Variants in GMIP observed in about 807,000 individuals in gnomAD.
GMIP encodes the protein GEM interacting protein, also known as GEM-interacting protein.
A neutral mutation model predicts 105.3 loss-of-function variants in GMIP; 54 were observed. The ratio of observed to expected loss-of-function variants is 0.51; its 90% CI spans 0.41 to 0.64. The LOEUF (loss-of-function observed/expected upper bound fraction) is 0.64, where lower values mean the gene tolerates loss of function less well. GMIP is among the 30% of genes least tolerant of loss of function. GMIP has a pLI of 0.00. For missense variants in GMIP, 1,110 were observed against 1,319.4 expected, an observed-to-expected ratio of 0.84 and a Z score of 2.46; for synonymous variants, 541 against 560.8, an observed-to-expected ratio of 0.96 and a Z score of 0.50.
chr19:19,630,571 A>G lies in GMIP; in HGVS notation c.2473-34T>C. On this transcript the variant is annotated intron_variant, in intron 19 of 20. Transcript: ENST00000203556. The surrounding 1 kb of genome is among the most constrained non-coding windows in gnomAD (Gnocchi z 4.8). ...AGAAACCCAAGAATGAGACCCCAAC[A>G]CTAAAATCCCAGTTCTTTGAGATTC... The G allele has an allele frequency of 6.4e-7, 1 of 1,561,432 alleles. No individual in the cohort carries two copies. Among genetic ancestry groups the G allele is most frequent in the Non-Finnish European group, 8.8e-7 (1 of 1,132,236 alleles).
intron 12 of GMIP, 37 bp from the exon 13 acceptor site, chr19:19,636,833 C>T (rs1215030450): frequency 6.3e-7 from 1 of 1,576,170 alleles, no homozygotes; most frequent in Non-Finnish European, 8.7e-7. Flanking sequence ...GTCCCCTGCT[C>T]ACAAACCCCA....
Position 19,637,378 on chromosome 19 carries a change from G to C in GMIP, c.1111C>G (p.Pro371Ala). Reference protein sequence around the residue: ...PPAFSFQEFLPSLNSSPLDIR... With the variant: ...PPAFSFQEFLASLNSSPLDIR... Reference sequence around the variant, plus strand: ...CCAGTGACCCACCTGTTCAAGGAGGGAAGGAACTCCTGGAAGGAGAAGGCG... The same window carrying C: ...CCAGTGACCCACCTGTTCAAGGAGGCAAGGAACTCCTGGAAGGAGAAGGCG... The change falls in exon 11 of 21, where the codon CCC becomes GCC. Residue 371 changes from proline to alanine, a missense_variant. Transcript: ENST00000203556. The surrounding 1 kb of genome is among the most constrained non-coding windows in gnomAD (Gnocchi z 6.7). 2 of 1,504,874 alleles carry C rather than the reference G, an allele frequency of 1.3e-6. No homozygotes were observed. The highest frequency in any genetic ancestry group is 1.3e-5 in the South Asian group (1 of 74,140). 93.2% of individuals were successfully genotyped at this position (1,504,874 alleles called of 1,614,324 possible). A position where few individuals can be genotyped will look rare whatever the true frequency, so the allele number is the denominator to read the frequency against.
chr19:19,631,298 T>G (rs1026696210), intron 19 of GMIP, among the ~76,000 whole-genome samples: 2 of 152,174 alleles, frequency 1.3e-5, no homozygotes, highest in African/African-American at 4.8e-5. Flanking sequence ...AAAATCCTTG[T>G]TTAGCAAATG....
rs1019726439 is a variant in GMIP at position 19,643,405 on chromosome 19, G to C, written c.19+106C>G. The C allele has an allele frequency of 6.4e-6, 7 of 1,088,052 alleles. No individual in the cohort carries two copies. The African/African-American group carries it at 9.5e-5, about 15-fold the overall frequency. 67.4% of individuals were successfully genotyped at this position (1,088,052 alleles called of 1,614,324 possible). A position where few individuals can be genotyped will look rare whatever the true frequency, so the allele number is the denominator to read the frequency against. On this transcript the variant is annotated intron_variant, in intron 1 of 20. Coordinates refer to ENST00000203556, the MANE Select transcript of GMIP (RefSeq NM_016573.4). Reference sequence around the variant, plus strand: ...GGATCCCTGGGTCCTTCCCATTCAGGAACTCCTCTCCTGGCTCTCAGGACG... The same window carrying C: ...GGATCCCTGGGTCCTTCCCATTCAGCAACTCCTCTCCTGGCTCTCAGGACG...
rs2144857688 is a variant in GMIP at position 19,637,445 on chromosome 19, A to G, written c.1044T>C (p.Phe348=). 1 of 1,521,574 alleles carries G rather than the reference A, an allele frequency of 6.6e-7. No homozygotes were observed. The highest frequency in any genetic ancestry group is 2.6e-5 in the East Asian group (1 of 39,104). The allele number at this position is 1,521,574 out of a possible 1,614,324, so 94.3% of individuals were successfully genotyped here. Residue 348 remains phenylalanine, a synonymous_variant, in exon 11 of 21, where the codon TTT becomes TTC. Transcript: ENST00000203556. The surrounding 1 kb of genome is among the most constrained non-coding windows in gnomAD (Gnocchi z 6.7). Reference sequence around the variant, plus strand: ...GGGCCTCGGGCCGCAGCGCCCGTACAAACTCCTGGTAGCGCTGGCCCGGCT... The same window carrying G: ...GGGCCTCGGGCCGCAGCGCCCGTACGAACTCCTGGTAGCGCTGGCCCGGCT... ...PFEPGQRYQE[F]VRALRPEAPP...
chr19:19,643,608 TGCC>T lies in GMIP; in HGVS notation c.-82_-80del. The T allele has an allele frequency of 7.6e-7, 1 of 1,320,244 alleles. No homozygotes were observed. 81.8% of individuals were successfully genotyped at this position (1,320,244 alleles called of 1,614,324 possible). A position where few individuals can be genotyped will look rare whatever the true frequency, so the allele number is the denominator to read the frequency against. Reference sequence around the variant, plus strand: ...CCGGCGGGGCCGAGCCCCGATTTCCTGCCGCCGCAGCCGCCGCCGCCGCCTCGG... The same window carrying T: ...CCGGCGGGGCCGAGCCCCGATTTCCTGCCGCAGCCGCCGCCGCCGCCTCGG... On this transcript the variant is annotated 5_prime_UTR_variant, in exon 1 of 21. Coordinates refer to ENST00000203556, the MANE Select transcript of GMIP (RefSeq NM_016573.4).
chr19:19,635,638 C>T lies in GMIP; in HGVS notation c.1405+6G>A, dbSNP rs147161315. On this transcript the variant is annotated splice_donor_region_variant and intron_variant, in intron 14 of 20. Coordinates refer to ENST00000203556, the MANE Select transcript of GMIP (RefSeq NM_016573.4). This position sits in a 1 kb window ranked among gnomAD's most constrained non-coding sequence, Gnocchi z 4.7. ...CCCATCCTGACCTACCCTGCTTCAG[C>T]CTCACCAGGGTCTCGCTCCTCAAAG... The T allele has an allele frequency of 4.0e-3, 6,513 of 1,614,082 alleles. 297 individuals are homozygous for T. In the Admixed American group the frequency reaches 0.09, roughly 22 times the overall value.
intron 2 of GMIP, 44 bp from the exon 3 acceptor site, chr19:19,642,095 T>G (rs762667139): frequency 5.1e-6 from 7 of 1,376,672 alleles, no homozygotes; most frequent in Non-Finnish European, 7.2e-6. Context: ...ACACCCAGTC[T>G]GTCCTGCCAA....
intron 4 of GMIP, 60 bp downstream of exon 4, chr19:19,641,750 G>T: frequency 1.7e-6 from 2 of 1,206,336 alleles, no homozygotes; most frequent in Non-Finnish European, 2.4e-6. Flanking sequence ...GATCAGTGGT[G>T]ATTTGTTGAA....
rs1297367865 is a variant in GMIP at position 19,635,720 on chromosome 19, G to A, written c.1329C>T (p.Gly443=). ...RSLDSPTSSP[G]AGTRQLVKAS... ...CCTTCACCAGCTGCCTCGTGCCAGC[G>A]CCTGGGGTCAGAGGAATCATGGGAG... Residue 443 remains glycine (G), a splice_region_variant and synonymous_variant, in exon 14 of 21, where the codon GGC becomes GGT. Transcript: ENST00000203556. This position sits in a 1 kb window ranked among gnomAD's most constrained non-coding sequence, Gnocchi z 4.7. 2 of 1,613,524 alleles carry A rather than the reference G, an allele frequency of 1.2e-6. No individual in the cohort carries two copies. Among genetic ancestry groups the A allele is most frequent in the East Asian group, 4.5e-5 (2 of 44,890 alleles).
chr19:19,638,842 A>T (rs903310814), intron 7 of GMIP, among the ~76,000 whole-genome samples: 1 of 134,114 alleles, frequency 7.5e-6, no homozygotes, highest in East Asian at 2.1e-4. Context: ...AGCACTTGGG[A>T]GGCCAAAGTG....
chr19:19,631,109 G>A (rs565155625), intron 19 of GMIP, among the ~76,000 whole-genome samples: 1 of 152,294 alleles, frequency 6.6e-6, no homozygotes, highest in African/African-American at 2.4e-5. Context: ...GCTGAGGCAG[G>A]AGAATCGCTT....
At chr19:19,632,879 C>T (rs541917419) in intron 19 of GMIP, among the ~76,000 whole-genome samples, 1 of 152,268 alleles carries the variant, frequency 6.6e-6, no homozygotes, top group East Asian at 1.9e-4. Context: ...TTTGCACTGG[C>T]TGTTCCCTTT....
At chr19:19,642,656 GCCTC>G in intron 1 of GMIP, 37 bp from the exon 2 acceptor site, 1 of 1,085,558 alleles carries the variant, frequency 9.2e-7, no homozygotes, top group Non-Finnish European at 1.4e-6. Context: ...GCTAACCACT[GCCTC>G]CCTCCACCCA....
rs756172978 is a variant in GMIP, at chr19:19,640,536, C to G, written c.274G>C (p.Gly92Arg). 3.2e-5 allele frequency: 52 copies of G among 1,613,872 alleles called. 1 individual carries two copies. Among genetic ancestry groups the G allele is most frequent in the Middle Eastern group, 3.3e-4 (2 of 6,080 alleles). The change falls in exon 5 of 21, where the codon GGG becomes CGG. Residue 92 changes from glycine (G) to arginine (R), a missense_variant. Around this residue, in one of 3 missense-constraint regions of GMIP, gnomAD observed 667 missense variants for 773.2 expected, o/e 0.86. Transcript: ENST00000203556. Reference sequence around the variant, plus strand: ...TATTCCAGGGCTGCGTCCACACCCCCCTTTGTCCGAATGAGCCGCAAGTCC... The same window carrying G: ...TATTCCAGGGCTGCGTCCACACCCCGCTTTGTCCGAATGAGCCGCAAGTCC... Reference protein sequence around the residue: ...ELDLRLIRTKGGVDAALEYAK... With the variant: ...ELDLRLIRTKRGVDAALEYAK...
intron 1 of GMIP, 39 bp downstream of exon 1, chr19:19,643,472 T>C: frequency 6.6e-7 from 1 of 1,523,332 alleles, no homozygotes; most frequent in Non-Finnish European, 8.9e-7. Context: ...AAGCAGGGGA[T>C]GGTCGGGGGA....
Position 19,635,367 on chromosome 19 carries a change from A to T in GMIP, c.1560+48T>A. The T allele has an allele frequency of 6.3e-7, 1 of 1,588,636 alleles. No homozygotes were observed. The highest frequency in any genetic ancestry group is 8.6e-7 in the Non-Finnish European group (1 of 1,164,800). On this transcript the variant is annotated intron_variant, in intron 15 of 20. Transcript: ENST00000203556. This position sits in a 1 kb window ranked among gnomAD's most constrained non-coding sequence, Gnocchi z 4.7. ...GCTGTAGGAATCTCAGGTCAGGGAG[A>T]TGATCAAGGGTCAGCAAAGGTCATT...
chr19:19,641,056 C>T (rs969804680), intron 4 of GMIP, among the ~76,000 whole-genome samples: 4 of 150,820 alleles, frequency 2.7e-5, no homozygotes, highest in Admixed American at 1.3e-4. Context: ...CATGAGCCAC[C>T]GTGCCCGGCC....
chr19:19,637,682 G>T lies in GMIP; in HGVS notation c.928-121C>A. ...TCAGGGTTTGGGACGCACCTGGGCG[G>T]CTTAGGAACTAGGGCAGTCGGCCAG... On this transcript the variant is annotated intron_variant, in intron 10 of 20. Transcript: ENST00000203556. The surrounding 1 kb of genome is among the most constrained non-coding windows in gnomAD (Gnocchi z 6.7). 1.1e-6 allele frequency: 1 copy of T among 911,186 alleles called. No homozygotes were observed. Among genetic ancestry groups the T allele is most frequent in the Non-Finnish European group, 1.6e-6 (1 of 628,590 alleles). 56.4% of individuals were successfully genotyped at this position (911,186 alleles called of 1,614,324 possible).
Sources: gnomAD v4.1 joint callset for allele counts (sites outside exome capture counted in the v4.1 genomes callset) on GRCh38, gnomAD v4.1.1 for gene constraint, gnomAD v4.1.1 regional missense constraint, Gnocchi (gnomAD v3.1) non-coding constraint, MANE v1.5 for transcripts, NCBI Gene and HGNC (gene_info 2026-07-23, HGNC 2026-07-21) for gene names.